Variants in MYLK observed in about 807,000 individuals in gnomAD.
MYLK encodes myosin light chain kinase, smooth muscle.
MYLK carries 106 observed loss-of-function variants against 203.4 expected under a neutral mutation model. The ratio of observed to expected loss-of-function variants is 0.52; its 90% CI spans 0.45 to 0.61. The LOEUF is 0.61. MYLK is among the 20% of genes least tolerant of loss of function. The pLI, the probability that MYLK is intolerant of heterozygous loss-of-function variation, is 0.00. For missense variants in MYLK, 2,072 were observed against 2,442.3 expected (o/e 0.85, Z 3.20); for synonymous variants, 867 against 959.5 (o/e 0.90, Z 1.78).
chr3:123,845,326 A>G (rs567876248), intron 2 of MYLK, among the ~76,000 whole-genome samples: 2 of 152,306 alleles, frequency 1.3e-5, no homozygotes, highest in Admixed American at 1.3e-4. Flanking sequence ...GAGTGTCCTA[A>G]AACAGGGCAG....
intron 2 of MYLK, among the ~76,000 whole-genome samples, chr3:123,873,248 C>A (rs1339255236): frequency 2.0e-5 from 3 of 152,096 alleles, no homozygotes; most frequent in African/African-American, 7.2e-5. Flanking sequence ...ATTATTCATT[C>A]ACGGTAAAGA....
chr3:123,639,399 G>T (rs757537942), intron 28 of MYLK, among the ~76,000 whole-genome samples: 1 of 152,204 alleles, frequency 6.6e-6, no homozygotes, highest in African/African-American at 2.4e-5. Flanking sequence ...GACATTTATT[G>T]GGTGGCATTC....
chr3:123,856,265 T>C lies in MYLK; in HGVS notation c.-127+20294A>G, dbSNP rs543393277. Among the ~76,000 whole-genome samples the C allele has an allele frequency of 3.3e-5, 5 of 152,320 alleles. No homozygotes were observed. In the South Asian group the frequency reaches 8.3e-4, roughly 25 times the overall value. ...GTGGAAGGAGAAAGTTGGTTCCCAA[T>C]TGGAACATTTTCCTCTGTAACACAC... On this transcript the variant is annotated intron_variant, in intron 2 of 33. Coordinates refer to ENST00000360304, the MANE Select transcript of MYLK (RefSeq NM_053025.4).
rs190308736 is a variant in MYLK, at chr3:123,761,057, T to A, written c.166-8519A>T. ...ATAAATCTGGATAATAAATCTGGAG[T>A]TTTTAGCCAGTCATGATTGGACCTG... On this transcript the variant is annotated intron_variant, in intron 4 of 33. Coordinates refer to ENST00000360304, the MANE Select transcript of MYLK (RefSeq NM_053025.4). Among the ~76,000 whole-genome samples the A allele has an allele frequency of 2.3e-3, 347 of 151,844 alleles. 5 individuals carry two copies. Among genetic ancestry groups the A allele is most frequent in the Non-Finnish European group, 1.1e-3 (75 of 67,938 alleles).
Position 123,737,366 on chromosome 3 carries a change from A to G in MYLK, c.754+12T>C. On this transcript the variant is annotated intron_variant, in intron 8 of 33. Transcript: ENST00000360304. ...AGGGATCGTTCTGCACTAGCCGTCCACTGGTCGATACCTTGGATGGAAAGT... is the reference window on the plus strand; with the variant it reads ...AGGGATCGTTCTGCACTAGCCGTCCGCTGGTCGATACCTTGGATGGAAAGT... 1 of 1,614,098 alleles carries G rather than the reference A, an allele frequency of 6.2e-7. No individual in the cohort carries two copies. The highest frequency in any genetic ancestry group is 8.5e-7 in the Non-Finnish European group (1 of 1,180,016).
intron 20 of MYLK, among the ~76,000 whole-genome samples, chr3:123,676,900 A>G (rs572067108): frequency 6.6e-6 from 1 of 152,350 alleles, no homozygotes; most frequent in African/African-American, 2.4e-5. Flanking sequence ...ATAGACTGCT[A>G]GGAGGAACTC....
chr3:123,717,117 T>C (rs1401420736), intron 13 of MYLK, among the ~76,000 whole-genome samples: 1 of 152,238 alleles, frequency 6.6e-6, no homozygotes, highest in African/African-American at 2.4e-5. Context: ...CTGTAGCCAA[T>C]GTAAGTATTT....
At chr3:123,626,175 C>A (rs2058138269) in intron 31 of MYLK, among the ~76,000 whole-genome samples, 1 of 152,226 alleles carries the variant, frequency 6.6e-6, no homozygotes, top group African/African-American at 2.4e-5. Context: ...CTATTAGCGA[C>A]TGGGATCGCT....
chr3:123,617,667 A>C (rs2057582822), intron 33 of MYLK: 1 of 152,210 alleles, frequency 6.6e-6, no homozygotes, highest in Admixed American at 6.5e-5. Flanking sequence ...TTGCCTAATA[A>C]ACTTCTGTGC....
At chr3:123,730,180 A>G (rs1384316423) in intron 11 of MYLK, among the ~76,000 whole-genome samples, 1 of 152,218 alleles carries the variant, frequency 6.6e-6, no homozygotes, top group African/African-American at 2.4e-5. Flanking sequence ...GTGAGCTATT[A>G]TCATGCCACT....
At chr3:123,863,828 C>A (rs960676579) in intron 2 of MYLK, among the ~76,000 whole-genome samples, 1 of 152,062 alleles carries the variant, frequency 6.6e-6, no homozygotes, top group African/African-American at 2.4e-5. Context: ...CATCTTATGA[C>A]CTAGCAATTC....
intron 19 of MYLK, among the ~76,000 whole-genome samples, chr3:123,686,370 G>GTTT (rs57730652): frequency 6.8e-6 from 1 of 147,788 alleles, no homozygotes. Context: ...TCTGGGCAGC[G>GTTT]TTTTTTTTTT....
chr3:123,709,647 T>A (rs1434793500), intron 14 of MYLK, 109 bp downstream of exon 14: 4 of 1,428,590 alleles, frequency 2.8e-6, no homozygotes, highest in Non-Finnish European at 3.9e-6. Flanking sequence ...GATGGTCCCA[T>A]CTGATTTTCT....
chr3:123,640,227 G>T lies in MYLK; in HGVS notation c.4837+60C>A. ...GTATGTTTCCTCTCACACTCAGTGT[G>T]AGAGGAAACGGCCAGTGCAATACAC... On this transcript the variant is annotated intron_variant, in intron 28 of 33. Coordinates refer to ENST00000360304, the MANE Select transcript of MYLK (RefSeq NM_053025.4). The surrounding 1 kb of genome is among the most constrained non-coding windows in gnomAD (Gnocchi z 4.3). The T allele has an allele frequency of 6.7e-7, 1 of 1,491,336 alleles. No individual in the cohort carries two copies. Among genetic ancestry groups the T allele is most frequent in the Non-Finnish European group, 9.4e-7 (1 of 1,069,112 alleles). 92.4% of individuals were successfully genotyped at this position (1,491,336 alleles called of 1,614,324 possible). A position where few individuals can be genotyped will look rare whatever the true frequency, so the allele number is the denominator to read the frequency against.
chr3:123,709,549 G>C (rs1343082717), intron 14 of MYLK: 1 of 667,186 alleles, frequency 1.5e-6, no homozygotes, highest in Non-Finnish European at 2.6e-6. Context: ...TCTTCCTCTG[G>C]ACCATTTAAT....
At chr3:123,795,975 C>G (rs1560228367) in intron 3 of MYLK, among the ~76,000 whole-genome samples, 1 of 152,136 alleles carries the variant, frequency 6.6e-6, no homozygotes, top group Non-Finnish European at 1.5e-5. Flanking sequence ...CAAGTGAAAG[C>G]AGCAAAGGGA....
chr3:123,796,405 A>G (rs141108999), intron 3 of MYLK, among the ~76,000 whole-genome samples: 2 of 152,312 alleles, frequency 1.3e-5, no homozygotes, highest in East Asian at 1.9e-4. Context: ...GCCTCCTGTA[A>G]GCAGTCAAAT....
chr3:123,726,092 G>C lies in MYLK; in HGVS notation c.1517-14C>G. 6.2e-7 allele frequency: 1 copy of C among 1,614,050 alleles called. No individual in the cohort carries two copies. The highest frequency in any genetic ancestry group is 8.5e-7 in the Non-Finnish European group (1 of 1,180,002). ...TCACGGCAAGCCCTGTGAGGGAAAA[G>C]GACAGGTCAGCTCAGATCACAGCTT... On this transcript the variant is annotated splice_polypyrimidine_tract_variant and intron_variant, in intron 11 of 33. Transcript: ENST00000360304.
intron 2 of MYLK, among the ~76,000 whole-genome samples, chr3:123,857,131 A>T (rs2031466938): frequency 6.6e-6 from 1 of 151,852 alleles, no homozygotes; most frequent in Admixed American, 6.6e-5. Context: ...GGCGATCATT[A>T]AAAAGTCAGG....
Sources: gnomAD v4.1 joint callset for allele counts (sites outside exome capture counted in the v4.1 genomes callset) on GRCh38, gnomAD v4.1.1 for gene constraint, Gnocchi (gnomAD v3.1) non-coding constraint, MANE v1.5 for transcripts, NCBI Gene and HGNC (gene_info 2026-07-23, HGNC 2026-07-21) for gene names.